The following PCDH15 variants were observed in gnomAD, a reference collection of about 807,000 sequenced individuals.
The protein encoded by PCDH15 is protocadherin-15.
In PCDH15, 129 loss-of-function variants were observed where a neutral mutation model predicts 178.5. The observed-to-expected ratio is 0.72, with a 90% CI of 0.63 to 0.84. The LOEUF (loss-of-function observed/expected upper bound fraction) is 0.84. Ranked by LOEUF, PCDH15 falls within the 40% of genes least tolerant of loss-of-function variation. The pLI is 0.00. For missense variants in PCDH15, 2,230 were observed against 2,099.9 expected (o/e 1.06, Z -1.21); for synonymous variants, 800 against 732.0 (o/e 1.09, Z -1.50).
rs1554806802 is a variant in PCDH15 at position 54,853,316 on chromosome 10, T to TATATATATACACATATACACATATAC, written c.-29+44133_-29+44134insGTATATGTGTATATGTGTATATATAT. Among the ~76,000 whole-genome samples the TATATATATACACATATACACATATAC allele has an allele frequency of 3.5e-5, 4 of 115,146 alleles. No individual in the cohort carries two copies. In the South Asian group the frequency reaches 1.1e-3, roughly 33 times the overall value. 75.5% of individuals were successfully genotyped at this position (115,146 alleles called of 152,430 possible). A position where few individuals can be genotyped will look rare whatever the true frequency, so the allele number is the denominator to read the frequency against. On this transcript the variant is annotated intron_variant, in intron 3 of 5. Coordinates refer to the PCDH15 transcript ENST00000458638. ...ATATATATATATATATATATATATA[T>TATATATATACACATATACACATATAC]ATACATACACACACATATACATATA...
intron 2 of PCDH15, among the ~76,000 whole-genome samples, chr10:54,960,387 C>A (rs534085717): frequency 1.3e-4 from 20 of 152,296 alleles, no homozygotes; most frequent in African/African-American, 4.6e-4. Flanking sequence ...TTTGCTTAGT[C>A]TTCCCTCAGG....
intron 25 of PCDH15, among the ~76,000 whole-genome samples, chr10:53,918,959 C>T (rs549239739): frequency 6.6e-6 from 1 of 152,276 alleles, no homozygotes; most frequent in Admixed American, 6.5e-5. Flanking sequence ...TTTCTAGCTT[C>T]TAGAAGCTGC....
chr10:54,360,049 A>G (rs1945749235), intron 5 of PCDH15, among the ~76,000 whole-genome samples: 1 of 152,108 alleles, frequency 6.6e-6, no homozygotes, highest in South Asian at 2.1e-4. Context: ...TCGTCTGAAT[A>G]AACCTAGAAA....
intron 2 of PCDH15, among the ~76,000 whole-genome samples, chr10:54,951,919 A>C (rs573033659): frequency 6.6e-6 from 1 of 151,912 alleles, no homozygotes; most frequent in African/African-American, 2.4e-5. Flanking sequence ...TCCCTTAATA[A>C]TTATTTATAT....
intron 13 of PCDH15, among the ~76,000 whole-genome samples, chr10:54,165,862 AAAAG>A (rs2046173156): frequency 6.6e-6 from 1 of 152,204 alleles, no homozygotes; most frequent in Non-Finnish European, 1.5e-5. Flanking sequence ...TGAAGAGTGG[AAAAG>A]AAACAGAAAC....
At chr10:55,413,885 T>C (rs1288225428) in intron 2 of PCDH15, among the ~76,000 whole-genome samples, 2 of 151,528 alleles carry the variant, frequency 1.3e-5, no homozygotes, top group African/African-American at 4.8e-5. Flanking sequence ...TATCCCACTT[T>C]GAAGTTAGCT....
At chr10:54,601,109 A>C (rs1039367204) in intron 2 of PCDH15, among the ~76,000 whole-genome samples, 1 of 152,072 alleles carries the variant, frequency 6.6e-6, no homozygotes, top group Admixed American at 6.6e-5. Context: ...GACAGTTTGC[A>C]ATCTTATGTT....
chr10:55,522,143 T>C (rs181438137), intron 2 of PCDH15, among the ~76,000 whole-genome samples: 10 of 152,060 alleles, frequency 6.6e-5, no homozygotes, highest in East Asian at 1.9e-4. Context: ...ACAGCAGCTA[T>C]GCCAATTTAC....
chr10:54,718,828 C>T (rs1338727688), intron 1 of PCDH15, among the ~76,000 whole-genome samples: 1 of 151,666 alleles, frequency 6.6e-6, no homozygotes, highest in South Asian at 2.1e-4. Flanking sequence ...TCCCAAGTAG[C>T]TGGCACTACA....
At chr10:55,609,582 A>G (rs1474501837) in intron 2 of PCDH15, among the ~76,000 whole-genome samples, 1 of 152,148 alleles carries the variant, frequency 6.6e-6, no homozygotes, top group Non-Finnish European at 1.5e-5. Context: ...CTCTTCATTT[A>G]TGTATAAAGA....
At position 53,916,630 on chromosome 10, in the gene PCDH15, A is replaced by G. The variant is rs2083552348; in HGVS notation, c.3374-13260T>C. ...ATATTACAGGACTATAATGATCAAC[A>G]AAACTGTAGTAGTTGTAATCTGGGC... On this transcript the variant is annotated intron_variant, in intron 25 of 37. Transcript: ENST00000644397. Among the ~76,000 whole-genome samples the G allele has an allele frequency of 2.6e-5, 4 of 152,348 alleles. No individual in the cohort carries two copies. The South Asian group carries it at 8.3e-4, about 32-fold the overall frequency.
intron 1 of PCDH15, among the ~76,000 whole-genome samples, chr10:54,773,104 G>T (rs1189243805): frequency 1.3e-5 from 2 of 151,954 alleles, no homozygotes; most frequent in African/African-American, 4.8e-5. Context: ...TCCAAGGGGT[G>T]GGGGGCAGGG....
intron 2 of PCDH15, among the ~76,000 whole-genome samples, chr10:55,350,958 C>T (rs1292133924): frequency 6.6e-6 from 1 of 150,492 alleles, no homozygotes; most frequent in Non-Finnish European, 1.5e-5. Context: ...ATTATTTCTT[C>T]TTCTTCTTCC....
At chr10:54,340,722 G>T (rs1053899141) in intron 6 of PCDH15, among the ~76,000 whole-genome samples, 16 of 152,078 alleles carry the variant, frequency 1.1e-4, no homozygotes, top group Non-Finnish European at 1.9e-4. Context: ...TTCACTTGGG[G>T]GTTTTCTACA....
intron 20 of PCDH15, among the ~76,000 whole-genome samples, chr10:54,013,538 ACTAAAAT>A (rs2092653412): frequency 6.6e-6 from 1 of 152,174 alleles, no homozygotes; most frequent in African/African-American, 2.4e-5. Flanking sequence ...ATTGAAGAAG[ACTAAAAT>A]CATACCAACC....
At chr10:54,030,012 T>C (rs1337521199) in intron 18 of PCDH15, among the ~76,000 whole-genome samples, 1 of 152,178 alleles carries the variant, frequency 6.6e-6, no homozygotes, top group Non-Finnish European at 1.5e-5. Flanking sequence ...TTCATTTCCA[T>C]TTAAAATATG....
chr10:54,534,059 G>C (rs2084222008), intron 2 of PCDH15, among the ~76,000 whole-genome samples: 1 of 152,088 alleles, frequency 6.6e-6, no homozygotes, highest in South Asian at 2.1e-4. Flanking sequence ...GACAAAATGA[G>C]GAAATCTATG....
Position 54,565,571 on chromosome 10 carries a change from G to A in PCDH15, c.92-37694C>T, listed in dbSNP as rs148681266. Among the ~76,000 whole-genome samples the A allele has an allele frequency of 7.9e-5, 12 of 152,280 alleles. No individual in the cohort carries two copies. In the East Asian group the frequency reaches 2.3e-3, roughly 29 times the overall value. The stretch of plus-strand genomic sequence containing the variant: ...TGATGAAGACAATGAGGATGATGAT[G>A]ATGTCAACAATGGGAGAGAAAATTG... On this transcript the variant is annotated intron_variant, in intron 2 of 37. Coordinates refer to ENST00000644397, the MANE Select transcript of PCDH15 (RefSeq NM_001384140.1).
At chr10:54,872,773 C>T (rs1954062325) in intron 3 of PCDH15, among the ~76,000 whole-genome samples, 1 of 151,968 alleles carries the variant, frequency 6.6e-6, no homozygotes, top group African/African-American at 2.4e-5. Context: ...AAAGAACAAT[C>T]GCAGGAGCAA....
Sources: gnomAD v4.1 joint callset for allele counts (sites outside exome capture counted in the v4.1 genomes callset) on GRCh38, gnomAD v4.1.1 for gene constraint, MANE v1.5 for transcripts, NCBI Gene and HGNC (gene_info 2026-07-23, HGNC 2026-07-21) for gene names.